Variants in SUPT3H observed in about 807,000 individuals in gnomAD.
The protein encoded by SUPT3H is transcription initiation protein SPT3 homolog.
SUPT3H carries 44 observed loss-of-function variants against 44.3 expected under a neutral mutation model. That is an observed-to-expected ratio of 0.99 (90% CI 0.78 to 1.28). The LOEUF (loss-of-function observed/expected upper bound fraction) is 1.28, where lower values mean the gene tolerates loss of function less well. SUPT3H is among the 50% of genes most tolerant of loss of function. SUPT3H has a pLI of 0.00. For missense variants in SUPT3H, 380 were observed against 387.1 expected (o/e 0.98, Z 0.15); for synonymous variants, 124 against 125.6 (o/e 0.99, Z 0.09).
intron 3 of SUPT3H, among the ~76,000 whole-genome samples, chr6:45,050,601 A>G (rs1194871394): frequency 1.3e-5 from 2 of 152,160 alleles, no homozygotes; most frequent in Non-Finnish European, 2.9e-5. Context: ...TTCAGTAGAA[A>G]ATAAACCATG....
intron 10 of SUPT3H, among the ~76,000 whole-genome samples, chr6:44,920,449 C>T (rs1354029721): frequency 1.3e-5 from 2 of 151,488 alleles, no homozygotes; most frequent in African/African-American, 4.9e-5. Context: ...TGGTGCATAA[C>T]TACTTGGGAG....
At chr6:44,885,658 G>T (rs1466405908) in intron 10 of SUPT3H, among the ~76,000 whole-genome samples, 1 of 152,152 alleles carries the variant, frequency 6.6e-6, no homozygotes, top group East Asian at 1.9e-4. Context: ...AAACCACAAA[G>T]ATGGGGAAAA....
At chr6:45,355,901 A>G (rs181261133) in intron 2 of SUPT3H, among the ~76,000 whole-genome samples, 1 of 152,248 alleles carries the variant, frequency 6.6e-6, no homozygotes, top group East Asian at 1.9e-4. Flanking sequence ...AACCCCAAAA[A>G]TTTAATTTCC....
intron 2 of SUPT3H, among the ~76,000 whole-genome samples, chr6:45,306,930 G>A (rs1004201227): frequency 6.6e-5 from 10 of 152,206 alleles, no homozygotes; most frequent in South Asian, 2.1e-4. Context: ...CTAACACTGC[G>A]CTTTTCCAAT....
At chr6:44,814,552 C>T (rs1367667193) in intron 11 of SUPT3H, among the ~76,000 whole-genome samples, 1 of 152,138 alleles carries the variant, frequency 6.6e-6, no homozygotes, top group Non-Finnish European at 1.5e-5. Flanking sequence ...CCAGGAGTTC[C>T]CTGTCTGTAA....
At chr6:45,157,372 G>C (rs769653687) in intron 2 of SUPT3H, among the ~76,000 whole-genome samples, 7 of 151,536 alleles carry the variant, frequency 4.6e-5, no homozygotes, top group African/African-American at 7.3e-5. Flanking sequence ...TATAATGTAT[G>C]ACAAGACCAG....
intron 2 of SUPT3H, among the ~76,000 whole-genome samples, chr6:45,320,847 G>A (rs910933408): frequency 2.0e-5 from 3 of 152,148 alleles, no homozygotes; most frequent in Non-Finnish European, 2.9e-5. Context: ...CTTGTAAAGT[G>A]TAATGTAGTA....
intron 3 of SUPT3H, among the ~76,000 whole-genome samples, chr6:45,039,083 A>T (rs528517123): frequency 9.2e-5 from 14 of 152,312 alleles, no homozygotes; most frequent in African/African-American, 3.4e-4. Flanking sequence ...AGGAAAAAGG[A>T]TACCATTTAA....
chr6:44,813,345 C>G (rs561772898), intron 11 of SUPT3H, among the ~76,000 whole-genome samples: 2 of 152,056 alleles, frequency 1.3e-5, no homozygotes, highest in Admixed American at 6.6e-5. Flanking sequence ...CATGCCACCA[C>G]GCCCAGTTAA....
chr6:44,891,045 G>C (rs890429446), intron 10 of SUPT3H, among the ~76,000 whole-genome samples: 1 of 152,036 alleles, frequency 6.6e-6, no homozygotes, highest in Non-Finnish European at 1.5e-5. Flanking sequence ...GGGTTGATGG[G>C]TGCAGGAAAC....
chr6:45,278,577 G>A (rs1470787154), intron 2 of SUPT3H, among the ~76,000 whole-genome samples: 1 of 152,134 alleles, frequency 6.6e-6, no homozygotes, highest in African/African-American at 2.4e-5. Context: ...ATGACAACTA[G>A]CGAACTAGCT....
At chr6:45,100,285 G>C (rs1243940788) in intron 3 of SUPT3H, among the ~76,000 whole-genome samples, 2 of 151,940 alleles carry the variant, frequency 1.3e-5, no homozygotes, top group Admixed American at 1.3e-4. Context: ...CAAGAGTTAA[G>C]AGACAACCTG....
intron 2 of SUPT3H, among the ~76,000 whole-genome samples, chr6:45,134,452 A>C (rs1803964637): frequency 6.6e-6 from 1 of 152,192 alleles, no homozygotes; most frequent in Admixed American, 6.5e-5. Context: ...TGCAAAACAC[A>C]TTCATTCCAT....
At chr6:45,327,140 A>C (rs1786489673) in intron 2 of SUPT3H, among the ~76,000 whole-genome samples, 1 of 152,028 alleles carries the variant, frequency 6.6e-6, no homozygotes, top group African/African-American at 2.4e-5. Flanking sequence ...AAAAGGAGAT[A>C]GTTTCCCAAA....
chr6:45,244,960 T>C (rs1215153332), intron 2 of SUPT3H, among the ~76,000 whole-genome samples: 2 of 152,174 alleles, frequency 1.3e-5, no homozygotes, highest in Non-Finnish European at 2.9e-5. Flanking sequence ...AACCAGTTAC[T>C]AAATATCTAT....
intron 2 of SUPT3H, among the ~76,000 whole-genome samples, chr6:45,235,611 T>C (rs1331384141): frequency 6.6e-6 from 1 of 152,054 alleles, no homozygotes; most frequent in African/African-American, 2.4e-5. Flanking sequence ...AGTAAATCAA[T>C]TTAGGGTCTC....
chr6:44,908,581 G>T (rs928702000), intron 10 of SUPT3H, among the ~76,000 whole-genome samples: 14 of 152,094 alleles, frequency 9.2e-5, no homozygotes, highest in Non-Finnish European at 1.6e-4. Context: ...GGTACTATGG[G>T]GAAAGTATTT....
intron 2 of SUPT3H, among the ~76,000 whole-genome samples, chr6:45,226,769 T>C (rs905470052): frequency 5.3e-5 from 8 of 152,020 alleles, no homozygotes; most frequent in Non-Finnish European, 8.8e-5. Flanking sequence ...GACCTCATGA[T>C]CCGCCCGCCC....
intron 10 of SUPT3H, among the ~76,000 whole-genome samples, chr6:44,884,992 C>A (rs938526271): frequency 1.3e-5 from 2 of 152,152 alleles, no homozygotes; most frequent in Admixed American, 6.5e-5. Context: ...GGGTCCTACG[C>A]CCACGGAGTC....
Sources: gnomAD v4.1 joint callset for allele counts (sites outside exome capture counted in the v4.1 genomes callset) on GRCh38, gnomAD v4.1.1 for gene constraint, MANE v1.5 for transcripts, NCBI Gene and HGNC (gene_info 2026-07-23, HGNC 2026-07-21) for gene names.